Variants in CAST observed in about 807,000 individuals in gnomAD.
CAST encodes calpastatin.
In CAST, 76 loss-of-function variants were observed where a neutral mutation model predicts 119.6. The ratio of observed to expected loss-of-function variants is 0.64; its 90% CI spans 0.53 to 0.77. CAST has a LOEUF of 0.77. CAST is among the 30% of genes least tolerant of loss of function. The probability of loss-of-function intolerance (pLI) is 0.00; values close to 1 mark genes in which losing one functional copy is unlikely to be tolerated. For synonymous variants in CAST, 319 were observed against 331.6 expected (o/e 0.96, Z 0.41); for missense variants, 953 against 946.5 (o/e 1.01, Z -0.09).
the CAST span, among the ~76,000 whole-genome samples, chr5:96,447,769 A>G: frequency 1.3e-5 from 2 of 152,170 alleles, no homozygotes; most frequent in Non-Finnish European, 2.9e-5. Context: ...GTGTGTGTGT[A>G]AAATATATCA....
intron 9 of CAST, among the ~76,000 whole-genome samples, chr5:96,733,706 C>T (rs1459105047): frequency 4.6e-5 from 7 of 152,168 alleles, no homozygotes; most frequent in South Asian, 2.1e-4. Flanking sequence ...GGAGAAACCC[C>T]GTCTCTACTA....
At chr5:96,657,303 T>C (rs141637173), upstream of CAST, among the ~76,000 whole-genome samples, 342 of 152,284 alleles carry the variant, frequency 2.2e-3, 1 homozygote, top group African/African-American at 7.0e-3. Flanking sequence ...GGTTTCTTTT[T>C]TGCTATAGTG....
At chr5:96,771,610 G>C in intron 30 of CAST, 34 bp from the exon 31 acceptor site, 2 of 1,591,592 alleles carry the variant, frequency 1.3e-6, no homozygotes, top group Non-Finnish European at 1.7e-6. Context: ...ATACAGAAAA[G>C]AAAGCTCACG....
the CAST span, among the ~76,000 whole-genome samples, chr5:96,317,171 G>T: frequency 6.6e-6 from 1 of 151,908 alleles, no homozygotes; most frequent in African/African-American, 2.4e-5. Context: ...ACATTATAAA[G>T]GTGTCATCCT....
the CAST span, among the ~76,000 whole-genome samples, chr5:96,293,779 A>G: frequency 1.3e-5 from 2 of 151,988 alleles, no homozygotes; most frequent in East Asian, 1.9e-4. Flanking sequence ...TTATTTTGAG[A>G]CACAGTCTTG....
At chr5:96,125,024 G>A in the CAST span, among the ~76,000 whole-genome samples, 1 of 151,998 alleles carries the variant, frequency 6.6e-6, no homozygotes, top group African/African-American at 2.4e-5. Flanking sequence ...CCGATTCTTA[G>A]AACAAAATTT....
chr5:96,416,629 A>G, the CAST span, among the ~76,000 whole-genome samples: 4 of 152,306 alleles, frequency 2.6e-5, no homozygotes, highest in Non-Finnish European at 4.4e-5. Context: ...CAAGTCCCCT[A>G]TTAAGCCCTC....
the CAST span, among the ~76,000 whole-genome samples, chr5:96,264,258 G>C: frequency 1.3e-5 from 2 of 152,188 alleles, no homozygotes; most frequent in Non-Finnish European, 2.9e-5. Flanking sequence ...CTCATAAAGA[G>C]TATGGGTAAA....
chr5:96,359,144 C>A, the CAST span, among the ~76,000 whole-genome samples: 1 of 152,134 alleles, frequency 6.6e-6, no homozygotes, highest in Non-Finnish European at 1.5e-5. Flanking sequence ...TTATCAGAAA[C>A]TAGGATTGCA....
chr5:96,757,090 A>G (rs1766472670), intron 22 of CAST, among the ~76,000 whole-genome samples: 1 of 152,202 alleles, frequency 6.6e-6, no homozygotes, highest in South Asian at 2.1e-4. Flanking sequence ...CATGTAGGTA[A>G]AGGGCTTATC....
At chr5:96,270,064 A>G in the CAST span, among the ~76,000 whole-genome samples, 3 of 152,212 alleles carry the variant, frequency 2.0e-5, no homozygotes, top group African/African-American at 2.4e-5. Flanking sequence ...GATTTATTCC[A>G]GGGATGCAAG....
the CAST span, among the ~76,000 whole-genome samples, chr5:96,178,852 C>T: frequency 1.3e-5 from 2 of 152,138 alleles, no homozygotes; most frequent in African/African-American, 4.8e-5. Context: ...GGACATTTTA[C>T]AGGCCTATTT....
At chr5:96,358,271 C>CA in the CAST span, among the ~76,000 whole-genome samples, 2 of 151,936 alleles carry the variant, frequency 1.3e-5, no homozygotes, top group African/African-American at 2.4e-5. Flanking sequence ...TTAATCTTTT[C>CA]AAAAAACCAG....
chr5:96,672,182 A>G (rs751723150), intron 1 of CAST, among the ~76,000 whole-genome samples: 1 of 152,082 alleles, frequency 6.6e-6, no homozygotes, highest in Non-Finnish European at 1.5e-5. Context: ...TTTACTTTCC[A>G]TTACAGGTAT....
At chr5:96,519,417 C>T in the CAST span, among the ~76,000 whole-genome samples, 2 of 152,180 alleles carry the variant, frequency 1.3e-5, no homozygotes, top group African/African-American at 2.4e-5. Context: ...ATTCCAGACT[C>T]GGCTTGTGTA....
chr5:96,545,772 T>A (rs1215782478), intron 1 of CAST, among the ~76,000 whole-genome samples: 2 of 152,240 alleles, frequency 1.3e-5, no homozygotes, highest in Non-Finnish European at 2.9e-5. Flanking sequence ...GGAATGAGGC[T>A]GACTGACATA....
At chr5:96,082,404 C>G in the CAST span, among the ~76,000 whole-genome samples, 6 of 152,132 alleles carry the variant, frequency 3.9e-5, no homozygotes, top group African/African-American at 1.4e-4. Flanking sequence ...AAGCAGGGCA[C>G]GAGGAACTCA....
chr5:96,367,458 G>A, the CAST span, among the ~76,000 whole-genome samples: 2 of 151,186 alleles, frequency 1.3e-5, no homozygotes, highest in Admixed American at 1.3e-4. Context: ...TCCTTGAGCT[G>A]CAGCGGGTTC....
At chr5:96,406,289 C>T in the CAST span, among the ~76,000 whole-genome samples, 1 of 152,130 alleles carries the variant, frequency 6.6e-6, no homozygotes, top group African/African-American at 2.4e-5. Flanking sequence ...ATTTTCACTG[C>T]TTGGACAATT....
Sources: allele counts gnomAD v4.1 joint callset (sites outside exome capture counted in the v4.1 genomes callset), GRCh38; gene constraint gnomAD v4.1.1; transcripts MANE v1.5; gene names NCBI Gene and HGNC (gene_info 2026-07-23, HGNC 2026-07-21).